TAF4: variants seen among roughly 807,000 people sequenced by gnomAD.
The protein encoded by TAF4 is transcription initiation factor TFIID subunit 4.
TAF4 carries 9 observed loss-of-function variants against 90.3 expected under a neutral mutation model. The observed-to-expected ratio is 0.10, with a 90% CI of 0.06 to 0.17. The LOEUF (loss-of-function observed/expected upper bound fraction) is 0.17. Among genes scored for constraint, TAF4 ranks in the 10% least tolerant of loss-of-function variants. TAF4 has a pLI of 1.00. For missense variants in TAF4, 1,351 were observed against 1,370.7 expected (o/e 0.99, Z 0.23); for synonymous variants, 818 against 638.9 (o/e 1.28, Z -4.23).
intron 7 of TAF4, chr20:62,005,711 A>C (rs1378142673): frequency 6.6e-6 from 1 of 152,224 alleles, no homozygotes; most frequent in East Asian, 1.9e-4. Context: ...TTATCAAGAC[A>C]AAAACAAATG....
At position 62,010,994 on chromosome 20, in the gene TAF4, T is replaced by C. The variant is rs1323843354; in HGVS notation, c.1642-829A>G. On this transcript the variant is annotated intron_variant, in intron 3 of 14. Coordinates refer to ENST00000252996, the MANE Select transcript of TAF4 (RefSeq NM_003185.4). This position sits in a 1 kb window ranked among gnomAD's most constrained non-coding sequence, Gnocchi z 4.5. ...AATTTTTTAAACACTCCTTTGCAAC[T>C]TCTGAAAGCAGGGGGCAGTGTAAGC... Among the ~76,000 whole-genome samples, 1 of 152,198 alleles carries C rather than the reference T, an allele frequency of 6.6e-6. No homozygotes were observed. Among genetic ancestry groups the C allele is most frequent in the Non-Finnish European group, 1.5e-5 (1 of 68,038 alleles).
At chr20:62,057,428 G>A (rs956830737) in intron 1 of TAF4, among the ~76,000 whole-genome samples, 3 of 152,214 alleles carry the variant, frequency 2.0e-5, no homozygotes, top group South Asian at 2.1e-4. Flanking sequence ...TTGATAGACA[G>A]AAAAAACTGT....
At chr20:62,002,374 G>A (rs780794142) in intron 9 of TAF4, among the ~76,000 whole-genome samples, 21 of 152,008 alleles carry the variant, frequency 1.4e-4, no homozygotes, top group Admixed American at 4.6e-4. Context: ...CAACTCCACC[G>A]CCCCTTGATC....
intron 1 of TAF4, among the ~76,000 whole-genome samples, chr20:62,024,464 A>T (rs1445381753): frequency 6.6e-6 from 1 of 152,266 alleles, no homozygotes; most frequent in Non-Finnish European, 1.5e-5. Flanking sequence ...TTCAGCAGAC[A>T]CTGCTAGAGA....
chr20:62,012,196 C>G (rs1315757543), intron 3 of TAF4: 1 of 152,332 alleles, frequency 6.6e-6, no homozygotes, highest in Non-Finnish European at 1.5e-5. Flanking sequence ...TAGAACGATG[C>G]TCTCACTACA....
intron 1 of TAF4, among the ~76,000 whole-genome samples, chr20:62,015,487 G>A (rs910406221): frequency 5.3e-5 from 8 of 152,162 alleles, no homozygotes; most frequent in African/African-American, 9.7e-5. Flanking sequence ...GGATGCAGCC[G>A]TGGGAGCAGG....
chr20:62,032,593 A>C (rs985627557), intron 1 of TAF4, among the ~76,000 whole-genome samples: 1 of 152,168 alleles, frequency 6.6e-6, no homozygotes, highest in Non-Finnish European at 1.5e-5. Context: ...CTCAACTCCC[A>C]ATGTTCTGCT....
chr20:62,059,041 T>C (rs1321523811), intron 1 of TAF4, among the ~76,000 whole-genome samples: 1 of 152,206 alleles, frequency 6.6e-6, no homozygotes, highest in Non-Finnish European at 1.5e-5. Flanking sequence ...CAACTTCTCC[T>C]GTCCCCACAT....
At chr20:61,986,965 T>C (rs1017410829) in intron 14 of TAF4, among the ~76,000 whole-genome samples, 1 of 152,164 alleles carries the variant, frequency 6.6e-6, no homozygotes, top group Non-Finnish European at 1.5e-5. Context: ...TGATAAGAAA[T>C]GGTATCAGCA....
At chr20:62,054,050 C>T (rs1407655373) in intron 1 of TAF4, among the ~76,000 whole-genome samples, 9 of 152,226 alleles carry the variant, frequency 5.9e-5, no homozygotes, top group African/African-American at 2.2e-4. Flanking sequence ...TGAGGCCACG[C>T]GCCACACAGA....
intron 1 of TAF4, among the ~76,000 whole-genome samples, chr20:62,036,117 G>A (rs1015132229): frequency 2.0e-5 from 3 of 151,872 alleles, no homozygotes; most frequent in African/African-American, 4.8e-5. Context: ...TCCCGCTCAC[G>A]GGTTCAAGCG....
At chr20:61,988,747 C>T (rs1282873027) in intron 14 of TAF4, among the ~76,000 whole-genome samples, 1 of 152,154 alleles carries the variant, frequency 6.6e-6, no homozygotes, top group Non-Finnish European at 1.5e-5. Context: ...CAGACGCCGG[C>T]GCCAATCTTC....
At chr20:62,013,308 G>A (rs1052771042) in intron 2 of TAF4, among the ~76,000 whole-genome samples, 4 of 152,214 alleles carry the variant, frequency 2.6e-5, no homozygotes, top group East Asian at 1.9e-4. Flanking sequence ...GGAGGTGGCC[G>A]CCCCTAGGCT....
intron 1 of TAF4, among the ~76,000 whole-genome samples, chr20:62,038,649 C>T (rs975875421): frequency 7.9e-5 from 12 of 152,216 alleles, no homozygotes; most frequent in African/African-American, 2.9e-4. Flanking sequence ...TCCTGAAAGG[C>T]CTAAATCAAT....
intron 1 of TAF4, among the ~76,000 whole-genome samples, chr20:62,030,133 C>G (rs375149792): frequency 6.6e-6 from 1 of 152,194 alleles, no homozygotes; most frequent in African/African-American, 2.4e-5. Flanking sequence ...TGTGCGGCCA[C>G]GTGCACAAGG....
intron 1 of TAF4, among the ~76,000 whole-genome samples, chr20:62,036,020 TTTC>T (rs1245219541): frequency 6.7e-6 from 1 of 149,754 alleles, no homozygotes; most frequent in African/African-American, 2.5e-5. Flanking sequence ...ATTAATCAAA[TTTC>T]TTTTTTTTTT....
chr20:62,036,256 C>T (rs1489477175), intron 1 of TAF4, among the ~76,000 whole-genome samples: 2 of 152,224 alleles, frequency 1.3e-5, no homozygotes, highest in East Asian at 3.8e-4. Flanking sequence ...AACTCCTGAC[C>T]TCAGGTGATC....
chr20:62,056,425 G>T (rs977870219), intron 1 of TAF4, among the ~76,000 whole-genome samples: 2 of 152,154 alleles, frequency 1.3e-5, no homozygotes, highest in Non-Finnish European at 2.9e-5. Flanking sequence ...TTTTAAAAGT[G>T]TAATCTGGTG....
At chr20:62,045,632 A>G (rs1250004658) in intron 1 of TAF4, among the ~76,000 whole-genome samples, 1 of 152,244 alleles carries the variant, frequency 6.6e-6, no homozygotes, top group Non-Finnish European at 1.5e-5. Flanking sequence ...CAGAAAGAAA[A>G]TAACTATTTA....
Sources: gnomAD v4.1 joint callset for allele counts (sites outside exome capture counted in the v4.1 genomes callset) on GRCh38, gnomAD v4.1.1 for gene constraint, Gnocchi (gnomAD v3.1) non-coding constraint, MANE v1.5 for transcripts, NCBI Gene and HGNC (gene_info 2026-07-23, HGNC 2026-07-21) for gene names.